The following CLSTN1 variants were observed in gnomAD, a reference collection of about 807,000 sequenced individuals.
The protein encoded by CLSTN1 is calsyntenin 1, also known as calsyntenin-1.
CLSTN1 carries 28 observed loss-of-function variants against 108.3 expected under a neutral mutation model. The observed-to-expected ratio is 0.26, with a 90% CI of 0.19 to 0.35. CLSTN1 has a LOEUF of 0.35. CLSTN1 is among the 10% of genes least tolerant of loss of function. The pLI is 1.00. For missense variants in CLSTN1, 1,157 were observed against 1,302.6 expected (o/e 0.89, Z 1.72); for synonymous variants, 524 against 534.9 (o/e 0.98, Z 0.28).
chr1:9,749,601 G>C lies in CLSTN1; in HGVS notation c.845C>G (p.Ala282Gly). 6.2e-7 allele frequency: 1 copy of C among 1,614,228 alleles called. No homozygotes were observed. The highest frequency in any genetic ancestry group is 8.5e-7 in the Non-Finnish European group (1 of 1,180,032). The change falls in exon 7 of 19, where the codon GCC (alanine) becomes GGC (glycine). Residue 282 changes from alanine to glycine, a missense_variant. Physicochemically the swap from Ala to Gly is moderately conservative, Grantham distance 60. Transcript: ENST00000377298. ...CTCCAGGTGGATATTTGGAAAGACGGCCAACGCGCCGGTGCCCGGCTCATA... is the reference window on the plus strand; with the variant it reads ...CTCCAGGTGGATATTTGGAAAGACGCCCAACGCGCCGGTGCCCGGCTCATA... ...IEYEPGTGALAVFPNIHLETC... is the reference protein window; with the variant it reads ...IEYEPGTGALGVFPNIHLETC...
chr1:9,762,148 A>G (rs755029308), intron 2 of CLSTN1, among the ~76,000 whole-genome samples: 4 of 152,086 alleles, frequency 2.6e-5, no homozygotes, highest in Non-Finnish European at 5.9e-5. Flanking sequence ...CCAATGGGAA[A>G]CGGATCACGG....
At chr1:9,812,140 A>C (rs908364066) in intron 1 of CLSTN1, among the ~76,000 whole-genome samples, 1 of 152,170 alleles carries the variant, frequency 6.6e-6, no homozygotes, top group Non-Finnish European at 1.5e-5. Flanking sequence ...CCGTCTCAAA[A>C]AAACAAAAAA....
At chr1:9,819,826 T>TTA (rs1293617641) in intron 1 of CLSTN1, among the ~76,000 whole-genome samples, 1 of 152,214 alleles carries the variant, frequency 6.6e-6, no homozygotes, top group African/African-American at 2.4e-5. Flanking sequence ...CTGAGGTCTA[T>TTA]ATTCGAACGA....
chr1:9,733,083 G>A (rs1650494066), intron 16 of CLSTN1, among the ~76,000 whole-genome samples: 2 of 152,130 alleles, frequency 1.3e-5, no homozygotes, highest in South Asian at 4.1e-4. Flanking sequence ...GAAATCTCAA[G>A]AAGCCCCAGA....
intron 7 of CLSTN1, among the ~76,000 whole-genome samples, chr1:9,747,441 T>C (rs1651333183): frequency 6.6e-6 from 1 of 152,206 alleles, no homozygotes; most frequent in South Asian, 2.1e-4. Context: ...ATCATTGGAC[T>C]GTGGCAGCAT....
At chr1:9,765,595 T>C (rs891486747) in intron 2 of CLSTN1, among the ~76,000 whole-genome samples, 7 of 145,780 alleles carry the variant, frequency 4.8e-5, no homozygotes, top group Admixed American at 3.4e-4. Flanking sequence ...AAAAAAAAAA[T>C]GGAGGCCAGG....
At chr1:9,733,291 G>T in intron 16 of CLSTN1, 110 bp downstream of exon 16, 3 of 1,350,132 alleles carry the variant, frequency 2.2e-6, no homozygotes, top group Non-Finnish European at 3.1e-6. Flanking sequence ...AGCCTGTATA[G>T]CTGCCATCAT....
intron 1 of CLSTN1, among the ~76,000 whole-genome samples, chr1:9,779,230 A>T (rs943746894): frequency 6.6e-6 from 1 of 152,078 alleles, no homozygotes; most frequent in African/African-American, 2.4e-5. Flanking sequence ...CAGGTTGAAC[A>T]CTTTATCTAA....
rs1038519082 is a variant in CLSTN1, at chr1:9,741,141, T to C, written c.1472A>G (p.His491Arg). The change falls in exon 10 of 19, where the codon CAT (histidine) becomes CGT (arginine). Residue 491 changes from histidine (H) to arginine (R), a missense_variant. Transcript: ENST00000377298. ...PFSVTEDYPL[H>R]PSKIETQLVV... Reference sequence around the variant, plus strand: ...GAGCTGAGTTTCTATCTTGGATGGATGGAGCGGGTAATCCTCAGTCACAGA... The same window carrying C: ...GAGCTGAGTTTCTATCTTGGATGGACGGAGCGGGTAATCCTCAGTCACAGA... The C allele has an allele frequency of 6.2e-7, 1 of 1,614,092 alleles. No homozygotes were observed. Among genetic ancestry groups the C allele is most frequent in the Non-Finnish European group, 8.5e-7 (1 of 1,180,006 alleles).
At chr1:9,816,991 A>T (rs1018552023) in intron 1 of CLSTN1, among the ~76,000 whole-genome samples, 4 of 152,158 alleles carry the variant, frequency 2.6e-5, no homozygotes, top group Non-Finnish European at 5.9e-5. Context: ...GAAAGTACAG[A>T]TCAAGGTAGG....
chr1:9,779,873 G>C (rs1026655831), intron 1 of CLSTN1, among the ~76,000 whole-genome samples: 12 of 151,252 alleles, frequency 7.9e-5, no homozygotes, highest in African/African-American at 2.9e-4. Context: ...TTTTGAGATG[G>C]AGTCTCACTC....
At chr1:9,772,873 T>C (rs1166337780) in intron 2 of CLSTN1, among the ~76,000 whole-genome samples, 1 of 152,108 alleles carries the variant, frequency 6.6e-6, no homozygotes, top group African/African-American at 2.4e-5. Flanking sequence ...TCCGGCTCCA[T>C]GCCACTTGAG....
intron 4 of CLSTN1, among the ~76,000 whole-genome samples, chr1:9,752,871 GTAAA>G (rs767073629): frequency 1.3e-5 from 2 of 151,768 alleles, no homozygotes; most frequent in African/African-American, 4.8e-5. Flanking sequence ...CAAAAAATAA[GTAAA>G]TAAATAAATA....
intron 11 of CLSTN1, 109 bp from the exon 12 acceptor site, chr1:9,736,151 T>C (rs1375030277): frequency 2.3e-6 from 3 of 1,320,330 alleles, no homozygotes; most frequent in Non-Finnish European, 3.2e-6. Context: ...TGGATGGACA[T>C]GCGGGTTAGT....
At chr1:9,765,908 C>A (rs901354986) in intron 2 of CLSTN1, among the ~76,000 whole-genome samples, 2 of 152,084 alleles carry the variant, frequency 1.3e-5, no homozygotes, top group Non-Finnish European at 2.9e-5. Context: ...GCAGGTCAAC[C>A]AATTCACTGC....
intron 1 of CLSTN1, among the ~76,000 whole-genome samples, chr1:9,797,009 A>G (rs1441446993): frequency 6.6e-6 from 1 of 152,180 alleles, no homozygotes; most frequent in African/African-American, 2.4e-5. Context: ...GATGAGAAGC[A>G]TGGTTAAACA....
intron 3 of CLSTN1, 65 bp from the exon 4 acceptor site, chr1:9,755,374 TCCC>T (rs1470579894): frequency 2.3e-6 from 3 of 1,288,286 alleles, no homozygotes; most frequent in South Asian, 1.4e-5. Flanking sequence ...CTTGCCCTCC[TCCC>T]CCCATCTCCA....
rs948363630 is a variant in CLSTN1, at chr1:9,733,691, G to A, written c.2282-145C>T. 1.3e-5 allele frequency: 13 copies of A among 967,486 alleles called. No homozygotes were observed. The Admixed American group carries it at 2.7e-4, about 20-fold the overall frequency. 59.9% of individuals were successfully genotyped at this position (967,486 alleles called of 1,614,324 possible). ...ACACAAGTTGGCTTTCTAGCCATGG[G>A]AATAAATGCAATGTGCACAGGGGCA... is the stretch of plus-strand genomic sequence containing the variant. On this transcript the variant is annotated intron_variant, in intron 15 of 18. Transcript: ENST00000377298.
intron 1 of CLSTN1, among the ~76,000 whole-genome samples, chr1:9,811,018 G>T (rs1654735601): frequency 6.6e-6 from 1 of 152,086 alleles, no homozygotes. Context: ...ACTTTAAGTA[G>T]CAGTTAAAAA....
Sources: gnomAD v4.1 joint callset for allele counts (sites outside exome capture counted in the v4.1 genomes callset) on GRCh38, gnomAD v4.1.1 for gene constraint, MANE v1.5 for transcripts, NCBI Gene and HGNC (gene_info 2026-07-23, HGNC 2026-07-21) for gene names.